The following IP6K3 variants were observed in gnomAD, a reference collection of about 807,000 sequenced individuals.
IP6K3 encodes the protein inositol hexakisphosphate kinase 3, also known as ATP:1D-myo-inositol-hexakisphosphate phosphotransferase.
In IP6K3, 20 loss-of-function variants were observed where a neutral mutation model predicts 28.8. That is an observed-to-expected ratio of 0.70 (90% confidence interval 0.49 to 1.01). The LOEUF is 1.01. Among genes scored for constraint, IP6K3 ranks in the 50% least tolerant of loss-of-function variants. The probability of loss-of-function intolerance (pLI) is 0.00; values close to 1 mark genes in which losing one functional copy is unlikely to be tolerated. For synonymous variants in IP6K3, 213 were observed against 221.3 expected (o/e 0.96, Z 0.33); for missense variants, 480 against 537.1 (o/e 0.89, Z 1.05).
chr6:33,730,141 C>A (rs1205173207), intron 2 of IP6K3, among the ~76,000 whole-genome samples: 2 of 152,214 alleles, frequency 1.3e-5, no homozygotes, highest in Admixed American at 6.5e-5. Flanking sequence ...TTTCTCCCCC[C>A]AGCCACGTGG....
Position 33,745,566 on chromosome 6 carries a change from G to A in IP6K3, c.-180+1192C>T, listed in dbSNP as rs935414004. Reference sequence around the variant, plus strand: ...AAAGTGGTGGGGAAAAATCACCATGGTGGGGGGTCGGGGGGCTGGCAGAGG... The same window carrying A: ...AAAGTGGTGGGGAAAAATCACCATGATGGGGGGTCGGGGGGCTGGCAGAGG... On this transcript the variant is annotated intron_variant, in intron 1 of 5. Coordinates refer to ENST00000293756, the MANE Select transcript of IP6K3 (RefSeq NM_054111.5). Among the ~76,000 whole-genome samples the A allele has an allele frequency of 7.2e-5, 11 of 152,276 alleles. No individual in the cohort carries two copies. The South Asian group carries it at 2.3e-3, about 32-fold the overall frequency.
intron 1 of IP6K3, among the ~76,000 whole-genome samples, chr6:33,737,008 C>T (rs1287529533): frequency 6.6e-6 from 1 of 152,192 alleles, no homozygotes; most frequent in Non-Finnish European, 1.5e-5. Flanking sequence ...GGTTGTAGGA[C>T]AGGCAGGCCA....
At chr6:33,730,887 C>A (rs1561903453) in intron 2 of IP6K3, among the ~76,000 whole-genome samples, 1 of 152,210 alleles carries the variant, frequency 6.6e-6, no homozygotes, top group African/African-American at 2.4e-5. Context: ...GCTGTGTCCC[C>A]TGTCATGTTT....
At chr6:33,754,589 C>T in the IP6K3 span, among the ~76,000 whole-genome samples, 1 of 152,180 alleles carries the variant, frequency 6.6e-6, no homozygotes, top group African/African-American at 2.4e-5. Flanking sequence ...GCTATCCATC[C>T]TTGGCCTGCC....
intron 2 of IP6K3, among the ~76,000 whole-genome samples, chr6:33,733,196 C>T (rs1029030007): frequency 6.6e-6 from 1 of 152,260 alleles, no homozygotes; most frequent in African/African-American, 2.4e-5. Flanking sequence ...AGCCTGAAGG[C>T]AGATGCTGAG....
chr6:33,747,703 G>T (rs1408899040), upstream of IP6K3, among the ~76,000 whole-genome samples: 1 of 152,188 alleles, frequency 6.6e-6, no homozygotes, highest in African/African-American at 2.4e-5. This position sits in a 1 kb window ranked among gnomAD's most constrained non-coding sequence, Gnocchi z 5.2. Context: ...GGTGGAAGCT[G>T]CAGGGAGTGG....
chr6:33,760,599 C>T, the IP6K3 span, among the ~76,000 whole-genome samples: 8 of 152,236 alleles, frequency 5.3e-5, no homozygotes, highest in South Asian at 1.0e-3. Context: ...GCGATCTCAG[C>T]TCACTGCAAC....
intron 2 of IP6K3, among the ~76,000 whole-genome samples, chr6:33,730,386 T>C (rs1766277588): frequency 6.6e-6 from 1 of 152,146 alleles, no homozygotes; most frequent in Non-Finnish European, 1.5e-5. Context: ...AGCCTGAGAG[T>C]GACATTCAGT....
At chr6:33,740,725 G>A (rs1301502867) in intron 1 of IP6K3, among the ~76,000 whole-genome samples, 2 of 152,196 alleles carry the variant, frequency 1.3e-5, no homozygotes, top group African/African-American at 2.4e-5. Context: ...TTTTATTTCC[G>A]GAGAGTCTTT....
intron 5 of IP6K3, among the ~76,000 whole-genome samples, chr6:33,723,954 C>G (rs931444743): frequency 6.6e-6 from 1 of 152,152 alleles, no homozygotes; most frequent in Non-Finnish European, 1.5e-5. Context: ...ATGGCACAGG[C>G]AGCAGCTGAG....
At chr6:33,727,864 A>T (rs982944208) in intron 3 of IP6K3, 2 of 985,338 alleles carry the variant, frequency 2.0e-6, no homozygotes, top group African/African-American at 3.5e-5. Context: ...CTGTGCATCA[A>T]CTTCTGGGAT....
chr6:33,740,865 G>T (rs541238291), intron 1 of IP6K3, among the ~76,000 whole-genome samples: 1 of 152,204 alleles, frequency 6.6e-6, no homozygotes, highest in Non-Finnish European at 1.5e-5. Flanking sequence ...ACTTGTAGGG[G>T]TTCAAAATAG....
chr6:33,726,977 T>G (rs565729654), intron 3 of IP6K3, 71 bp from the exon 4 acceptor site: 3 of 1,447,628 alleles, frequency 2.1e-6, no homozygotes, highest in African/African-American at 2.8e-5. Flanking sequence ...TGTGGCTGAC[T>G]GGGCTCTCTG....
chr6:33,737,071 G>A (rs1378574166), intron 1 of IP6K3, among the ~76,000 whole-genome samples: 1 of 152,192 alleles, frequency 6.6e-6, no homozygotes, highest in East Asian at 1.9e-4. Context: ...GGTTGCGGCT[G>A]GCCAGGAGAG....
At chr6:33,752,306 A>G in the IP6K3 span, among the ~76,000 whole-genome samples, 1 of 152,210 alleles carries the variant, frequency 6.6e-6, no homozygotes, top group Non-Finnish European at 1.5e-5. Flanking sequence ...CGCCCTGCCC[A>G]CTGGTCCTTG....
At position 33,722,904 on chromosome 6, in the gene IP6K3, T is replaced by C. The variant is rs1203122552; in HGVS notation, c.1049A>G (p.Gln350Arg). Residue 350 changes from glutamine (Q) to arginine (R), a missense_variant, in exon 6 of 6, where the codon CAG becomes CGG. By Grantham distance (43) the Gln-to-Arg change is conservative (BLOSUM62 1). Transcript: ENST00000293756. ...ACCGGGAGAGCTACCGTGGGCTGCC[T>C]GGGGAGCCTCGTGAGGATGCGGGCT... ...PGSPHPHEAP[Q>R]AAHGSSPGGL... 6.2e-7 allele frequency: 1 copy of C among 1,614,016 alleles called. No individual in the cohort carries two copies. Among genetic ancestry groups the C allele is most frequent in the Non-Finnish European group, 8.5e-7 (1 of 1,179,984 alleles).
chr6:33,756,243 G>T, the IP6K3 span, among the ~76,000 whole-genome samples: 1 of 152,338 alleles, frequency 6.6e-6, no homozygotes, highest in South Asian at 2.1e-4. Flanking sequence ...AATTAATGAT[G>T]GGGTGTATTG....
intron 4 of IP6K3, among the ~76,000 whole-genome samples, chr6:33,726,473 G>C (rs937887859): frequency 1.3e-5 from 2 of 152,112 alleles, no homozygotes; most frequent in African/African-American, 4.8e-5. Context: ...CACAGCCAGG[G>C]CCCCCCCAGG....
chr6:33,731,807 G>T (rs1399410750), intron 2 of IP6K3, among the ~76,000 whole-genome samples: 1 of 152,116 alleles, frequency 6.6e-6, no homozygotes, highest in Non-Finnish European at 1.5e-5. Context: ...TGCCCTGTGT[G>T]TCTGTGGGGA....
Sources: gnomAD v4.1 joint callset for allele counts (sites outside exome capture counted in the v4.1 genomes callset) on GRCh38, gnomAD v4.1.1 for gene constraint, Gnocchi (gnomAD v3.1) non-coding constraint, MANE v1.5 for transcripts, NCBI Gene and HGNC (gene_info 2026-07-23, HGNC 2026-07-21) for gene names.